Variants in DNAJB4 observed in about 807,000 individuals in gnomAD.
The protein encoded by DNAJB4 is dnaJ homolog subfamily B member 4.
DNAJB4 carries 10 observed loss-of-function variants against 26.6 expected under a neutral mutation model. That is an observed-to-expected ratio of 0.38 (90% CI 0.23 to 0.64). DNAJB4 has a LOEUF of 0.64. Among genes scored for constraint, DNAJB4 ranks in the 30% least tolerant of loss-of-function variants. The pLI is 0.58. For missense variants in DNAJB4, 328 were observed against 408.2 expected (o/e 0.80, Z 1.69); for synonymous variants, 136 against 134.8 (o/e 1.01, Z -0.06).
chr1:78,014,316 C>T (rs1660576643), intron 2 of DNAJB4, among the ~76,000 whole-genome samples: 1 of 151,944 alleles, frequency 6.6e-6, no homozygotes, highest in Admixed American at 6.6e-5. Flanking sequence ...CCATGTTGGC[C>T]AGGCTGGTCT....
intron 1 of DNAJB4, among the ~76,000 whole-genome samples, chr1:78,012,576 A>C (rs1374648114): frequency 6.6e-6 from 1 of 152,142 alleles, no homozygotes; most frequent in Non-Finnish European, 1.5e-5. Context: ...TTGGGAGGCC[A>C]AGGCAGGCAG....
intron 1 of DNAJB4, among the ~76,000 whole-genome samples, chr1:77,999,722 T>C (rs964280512): frequency 1.3e-5 from 2 of 152,222 alleles, no homozygotes; most frequent in Admixed American, 1.3e-4. Flanking sequence ...CATCTGACTC[T>C]CACAATAATC....
At chr1:77,997,786 T>A (rs542684938) in intron 1 of DNAJB4, among the ~76,000 whole-genome samples, 54 of 152,116 alleles carry the variant, frequency 3.5e-4, no homozygotes, top group African/African-American at 1.2e-3. Flanking sequence ...ATAATTAACT[T>A]TTTTTTTCTT....
At chr1:77,980,745 C>G (rs1326263570) in intron 1 of DNAJB4, among the ~76,000 whole-genome samples, 4 of 152,034 alleles carry the variant, frequency 2.6e-5, no homozygotes, top group African/African-American at 9.7e-5. Context: ...GCTTAAGCAC[C>G]AAAATAGCAG....
At chr1:78,010,586 C>A (rs1660442063) in intron 1 of DNAJB4, among the ~76,000 whole-genome samples, 1 of 152,182 alleles carries the variant, frequency 6.6e-6, no homozygotes, top group African/African-American at 2.4e-5. Context: ...TTAGGTCTCT[C>A]TTGATCTCTC....
chr1:78,005,069 C>G lies in DNAJB4; in HGVS notation c.-42C>G, dbSNP rs776703958. 5 of 1,586,348 alleles carry G rather than the reference C, an allele frequency of 3.2e-6. No individual in the cohort carries two copies. The highest frequency in any genetic ancestry group is 2.7e-5 in the African/African-American group (2 of 73,300). ...TTGCTAAGACTGGGGACGCTGTTTT[C>G]TTTTACAAAGGGAAATCTAAGTTAA... On this transcript the variant is annotated 5_prime_UTR_variant, in exon 1 of 3. Coordinates refer to ENST00000370763, the MANE Select transcript of DNAJB4 (RefSeq NM_007034.5).
At chr1:78,009,826 A>G (rs1660421642) in intron 1 of DNAJB4, among the ~76,000 whole-genome samples, 1 of 152,132 alleles carries the variant, frequency 6.6e-6, no homozygotes, top group South Asian at 2.1e-4. Context: ...AGGTTTCACC[A>G]TGTTGGTCAG....
intron 1 of DNAJB4, among the ~76,000 whole-genome samples, chr1:77,984,724 T>C (rs1659752414): frequency 6.6e-6 from 1 of 152,188 alleles, no homozygotes; most frequent in Admixed American, 6.5e-5. Context: ...TTAATAAATA[T>C]CAAGTTGAAT....
intron 1 of DNAJB4, among the ~76,000 whole-genome samples, chr1:78,012,157 T>TC (rs1660500780): frequency 8.1e-6 from 1 of 123,826 alleles, no homozygotes. Flanking sequence ...TTCTTTTCTT[T>TC]TCTTTTTTTT....
rs1553134321 is a variant in DNAJB4, at chr1:77,997,332, A to AAATCTAT, written c.-31-7747_-31-7746insATCTATA. ...GTCTCTACAAAAAAAAAAAAAAAAA[A>AAATCTAT]ATCTATATCTATATCTATATCTATA... On this transcript the variant is annotated intron_variant, in intron 1 of 2. Transcript: ENST00000426517. 2.3e-3 allele frequency among the ~76,000 whole-genome samples: 341 copies of AAATCTAT among 149,696 alleles called. 2 individuals carry two copies. Among genetic ancestry groups the AAATCTAT allele is most frequent in the African/African-American group, 8.1e-3 (325 of 40,244 alleles).
At chr1:78,001,730 G>A (rs1347885702), upstream of DNAJB4, among the ~76,000 whole-genome samples, 2 of 152,096 alleles carry the variant, frequency 1.3e-5, no homozygotes, top group African/African-American at 4.8e-5. Context: ...GTCTCATTAT[G>A]TTGCCCAGGC....
At chr1:78,011,963 T>C (rs911612515) in intron 1 of DNAJB4, among the ~76,000 whole-genome samples, 2 of 148,662 alleles carry the variant, frequency 1.3e-5, no homozygotes, top group African/African-American at 2.4e-5. Flanking sequence ...TTAAATGTTA[T>C]ATATATTGTT....
intron 1 of DNAJB4, among the ~76,000 whole-genome samples, chr1:77,996,631 T>C (rs1054123327): frequency 6.6e-5 from 10 of 152,198 alleles, no homozygotes; most frequent in Non-Finnish European, 1.3e-4. Context: ...ATTAAATGTA[T>C]ATATTATAGT....
intron 1 of DNAJB4, among the ~76,000 whole-genome samples, chr1:78,007,867 CCTT>C (rs1476970225): frequency 3.3e-5 from 5 of 152,246 alleles, no homozygotes; most frequent in East Asian, 3.9e-4. Context: ...TACCTGGTAT[CCTT>C]CTTCCCGCTC....
intron 2 of DNAJB4, among the ~76,000 whole-genome samples, chr1:78,014,177 C>T (rs200351197): frequency 3.3e-5 from 5 of 150,878 alleles, no homozygotes; most frequent in African/African-American, 9.8e-5. Flanking sequence ...AGCGCAATCT[C>T]GGCTCACTGC....
At chr1:77,981,957 A>C (rs1333148695) in intron 1 of DNAJB4, among the ~76,000 whole-genome samples, 2 of 152,166 alleles carry the variant, frequency 1.3e-5, no homozygotes, top group Admixed American at 1.3e-4. Flanking sequence ...ATTTTTAGAG[A>C]AAAATTTGGA....
intron 1 of DNAJB4, among the ~76,000 whole-genome samples, chr1:77,997,635 G>T (rs1167186316): frequency 1.3e-5 from 2 of 151,968 alleles, no homozygotes; most frequent in African/African-American, 4.8e-5. Context: ...ATGCTCTTTT[G>T]CTTCTTGACT....
chr1:77,984,693 T>C (rs1659751107), intron 1 of DNAJB4, among the ~76,000 whole-genome samples: 1 of 152,234 alleles, frequency 6.6e-6, no homozygotes, highest in Admixed American at 6.5e-5. Context: ...TTGCCCAGTA[T>C]GCTTTTATGT....
At chr1:78,002,739 G>A (rs1660222044), upstream of DNAJB4, among the ~76,000 whole-genome samples, 1 of 152,016 alleles carries the variant, frequency 6.6e-6, no homozygotes, top group African/African-American at 2.4e-5. Flanking sequence ...CGTAAATCAC[G>A]ATTATATTTG....
Sources: gnomAD v4.1 joint callset for allele counts (sites outside exome capture counted in the v4.1 genomes callset) on GRCh38, gnomAD v4.1.1 for gene constraint, MANE v1.5 for transcripts, NCBI Gene and HGNC (gene_info 2026-07-23, HGNC 2026-07-21) for gene names.